Variants in SSR1 observed in about 807,000 individuals in gnomAD.
SSR1 encodes signal sequence receptor subunit 1, also known as translocon-associated protein subunit alpha.
SSR1 carries 13 observed loss-of-function variants against 36.1 expected under a neutral mutation model. The observed-to-expected ratio is 0.36, with a 90% CI of 0.23 to 0.57. The LOEUF (loss-of-function observed/expected upper bound fraction) is 0.57. Ranked by LOEUF, SSR1 falls within the 20% of genes least tolerant of loss-of-function variation. The probability of loss-of-function intolerance (pLI) is 0.81; values close to 1 mark genes in which losing one functional copy is unlikely to be tolerated. For missense variants in SSR1, 291 were observed against 338.5 expected, an observed-to-expected ratio of 0.86 and a Z score of 1.10; for synonymous variants, 113 against 118.9, an observed-to-expected ratio of 0.95 and a Z score of 0.32.
intron 1 of SSR1, among the ~76,000 whole-genome samples, chr6:7,312,447 T>A (rs77223242): frequency 0.12 from 17,557 of 152,112 alleles, 1,358 homozygotes; most frequent in Non-Finnish European, 0.18. Flanking sequence ...GATGGGGTAG[T>A]TTTTCTGAAA....
At position 7,282,904 on chromosome 6, in the gene SSR1, A is replaced by AAT. The variant is rs1257943287; in HGVS notation, c.*6958_*6959dup. On this transcript the variant is annotated 3_prime_UTR_variant, in exon 8 of 8. Transcript: ENST00000244763. ...CAAGGCCTTAAAATGCATTCACTCTAATAAACTGCTCTGTAGAATTCAAGG... is the reference window on the plus strand; with the variant it reads ...CAAGGCCTTAAAATGCATTCACTCTAATATAAACTGCTCTGTAGAATTCAAGG... 2.6e-5 allele frequency: 4 copies of AAT among 152,342 alleles called. No individual in the cohort carries two copies. In the East Asian group the frequency reaches 7.7e-4, roughly 29 times the overall value. 9.4% of individuals were successfully genotyped at this position (152,342 alleles called of 1,614,324 possible). A position where few individuals can be genotyped will look rare whatever the true frequency, so the allele number is the denominator to read the frequency against.
At chr6:7,308,091 T>C (rs971909945) in intron 2 of SSR1, among the ~76,000 whole-genome samples, 1 of 152,198 alleles carries the variant, frequency 6.6e-6, no homozygotes, top group African/African-American at 2.4e-5. Context: ...AGCTATTCAC[T>C]TAATGCAGGC....
chr6:7,300,846 T>C (rs1757918009), intron 4 of SSR1, among the ~76,000 whole-genome samples: 1 of 152,170 alleles, frequency 6.6e-6, no homozygotes, highest in Admixed American at 6.5e-5. Context: ...TTTCACCAGG[T>C]TGGCCAGGCT....
At chr6:7,292,940 G>C (rs1047734789) in intron 7 of SSR1, among the ~76,000 whole-genome samples, 1 of 151,988 alleles carries the variant, frequency 6.6e-6, no homozygotes, top group African/African-American at 2.4e-5. Context: ...AAGCAGTAGA[G>C]AAAACAATTT....
rs1306284311 is a variant in SSR1 at position 7,288,614 on chromosome 6, T to A, written c.*1250A>T. The A allele has an allele frequency of 6.6e-6, 1 of 152,604 alleles. No homozygotes were observed. The highest frequency in any genetic ancestry group is 1.5e-5 in the Non-Finnish European group (1 of 68,022). The allele number at this position is 152,604 out of a possible 1,614,324, so 9.5% of individuals were successfully genotyped here. Reference sequence around the variant, plus strand: ...ACTTAACATTTTCTTATAAAATACATGTAGGAGAATATGGCTTAAAGACAA... The same window carrying A: ...ACTTAACATTTTCTTATAAAATACAAGTAGGAGAATATGGCTTAAAGACAA... On this transcript the variant is annotated 3_prime_UTR_variant, in exon 8 of 8. Coordinates refer to ENST00000244763, the MANE Select transcript of SSR1 (RefSeq NM_003144.5).
In SSR1 at chr6:7,282,822, A is replaced by G. The variant is rs1389364094; in HGVS notation, c.*7042T>C. The stretch of plus-strand genomic sequence containing the variant: ...GACCAAATGAGAAAAATACATAATC[A>G]TTATGTTTTAGCCAGAAAAAGGCAA... On this transcript the variant is annotated 3_prime_UTR_variant, in exon 8 of 8. Coordinates refer to ENST00000244763, the MANE Select transcript of SSR1 (RefSeq NM_003144.5). The G allele has an allele frequency of 6.6e-6, 1 of 152,236 alleles. No individual in the cohort carries two copies. The highest frequency in any genetic ancestry group is 2.4e-5 in the African/African-American group (1 of 41,468). The allele number at this position is 152,236 out of a possible 1,614,324, so 9.4% of individuals were successfully genotyped here. A position where few individuals can be genotyped will look rare whatever the true frequency, so the allele number is the denominator to read the frequency against.
rs9505114 is a variant in SSR1 at position 7,283,139 on chromosome 6, G to A, written c.*6725C>T. The A allele has an allele frequency of 3.2e-3, 486 of 152,306 alleles. 2 individuals carry two copies. The highest frequency in any genetic ancestry group is 9.7e-3 in the African/African-American group (405 of 41,562). 9.4% of individuals were successfully genotyped at this position (152,306 alleles called of 1,614,324 possible). ...CTGTCACCCAGGCTGGAGTGCAGTG[G>A]TGCAACCTTGACTCACTACAACCTC... On this transcript the variant is annotated 3_prime_UTR_variant, in exon 8 of 8. Transcript: ENST00000244763.
intron 2 of SSR1, among the ~76,000 whole-genome samples, chr6:7,305,501 T>C (rs1039944871): frequency 2.0e-5 from 3 of 152,184 alleles, no homozygotes; most frequent in African/African-American, 7.2e-5. Context: ...AAGCCACCGG[T>C]CTTGGTAAAG....
intron 6 of SSR1, among the ~76,000 whole-genome samples, chr6:7,296,135 A>G (rs773317119): frequency 1.3e-5 from 2 of 152,226 alleles, no homozygotes; most frequent in Non-Finnish European, 2.9e-5. Context: ...AAGAACTTCA[A>G]ACTTTCTCCC....
Position 7,284,085 on chromosome 6 carries a change from TCTA to T in SSR1, c.*5776_*5778del, listed in dbSNP as rs1339966714. The T allele has an allele frequency of 9.2e-5, 14 of 152,330 alleles. No homozygotes were observed. The East Asian group carries it at 2.5e-3, about 27-fold the overall frequency. The allele number at this position is 152,330 out of a possible 1,614,324, so 9.4% of individuals were successfully genotyped here. A position where few individuals can be genotyped will look rare whatever the true frequency, so the allele number is the denominator to read the frequency against. Reference sequence around the variant, plus strand: ...TGCCTCTAGGCCTTAAGCGCCTATTTCTATAAATGTTGGGTGATCAGACCAATA... The same window carrying T: ...TGCCTCTAGGCCTTAAGCGCCTATTTTAAATGTTGGGTGATCAGACCAATA... On this transcript the variant is annotated 3_prime_UTR_variant, in exon 8 of 8. Coordinates refer to ENST00000244763, the MANE Select transcript of SSR1 (RefSeq NM_003144.5).
At chr6:7,293,760 C>A (rs1757733485) in intron 7 of SSR1, among the ~76,000 whole-genome samples, 1 of 152,000 alleles carries the variant, frequency 6.6e-6, no homozygotes. Flanking sequence ...GTGGAACCCA[C>A]CAATATACCG....
chr6:7,295,231 C>G (rs1427045975), intron 7 of SSR1, 161 bp downstream of exon 7: 1 of 1,105,558 alleles, frequency 9.0e-7, no homozygotes, highest in Non-Finnish European at 1.3e-6. Flanking sequence ...ACTGAATAAA[C>G]CTTTAAGGTC....
At chr6:7,299,689 C>CAA (rs752427852) in intron 4 of SSR1, among the ~76,000 whole-genome samples, 184 of 113,238 alleles carry the variant, frequency 1.6e-3, no homozygotes, top group Middle Eastern at 0.014. Flanking sequence ...ACTCCCACCT[C>CAA]AAAAAAAAAA....
At chr6:7,303,241 C>T (rs953646912) in intron 3 of SSR1, among the ~76,000 whole-genome samples, 3 of 147,172 alleles carry the variant, frequency 2.0e-5, no homozygotes, top group Non-Finnish European at 4.5e-5. Context: ...GCAGGAAAAT[C>T]GATTAAACCT....
intron 7 of SSR1, among the ~76,000 whole-genome samples, chr6:7,290,995 G>C (rs977813604): frequency 6.6e-6 from 1 of 151,990 alleles, no homozygotes; most frequent in Non-Finnish European, 1.5e-5. Flanking sequence ...AGCGATTTTC[G>C]TGCCTCAGCC....
intron 2 of SSR1, among the ~76,000 whole-genome samples, chr6:7,304,060 T>A (rs1757998673): frequency 6.6e-6 from 1 of 152,256 alleles, no homozygotes; most frequent in African/African-American, 2.4e-5. Context: ...TCATACCTCA[T>A]TAATTAAAAC....
chr6:7,305,902 C>T (rs1180638364), intron 2 of SSR1, among the ~76,000 whole-genome samples: 1 of 152,216 alleles, frequency 6.6e-6, no homozygotes, highest in East Asian at 1.9e-4. Flanking sequence ...ATTTATCTTA[C>T]AGCTATTCAG....
Position 7,282,582 on chromosome 6 carries a change from G to T in SSR1, c.*7282C>A, listed in dbSNP as rs1372619508. 1 of 152,320 alleles carries T rather than the reference G, an allele frequency of 6.6e-6. No individual in the cohort carries two copies. The highest frequency in any genetic ancestry group is 1.5e-5 in the Non-Finnish European group (1 of 68,110). The allele number at this position is 152,320 out of a possible 1,614,324, so 9.4% of individuals were successfully genotyped here. On this transcript the variant is annotated 3_prime_UTR_variant, in exon 8 of 8. Transcript: ENST00000244763. Reference sequence around the variant, plus strand: ...CGGGAAGCCATCAGTCAAAAAGCCTGTGTGGTCACAGATGCTTACTGGTGG... The same window carrying T: ...CGGGAAGCCATCAGTCAAAAAGCCTTTGTGGTCACAGATGCTTACTGGTGG...
intron 6 of SSR1, among the ~76,000 whole-genome samples, chr6:7,296,343 T>C (rs1295500139): frequency 6.6e-6 from 1 of 152,182 alleles, no homozygotes; most frequent in African/African-American, 2.4e-5. Flanking sequence ...AAAATGGAGA[T>C]GCAGTTATAC....
Sources: gnomAD v4.1 joint callset for allele counts (sites outside exome capture counted in the v4.1 genomes callset) on GRCh38, gnomAD v4.1.1 for gene constraint, MANE v1.5 for transcripts, NCBI Gene and HGNC (gene_info 2026-07-23, HGNC 2026-07-21) for gene names.